Variants in CADPS2 observed in about 807,000 individuals in gnomAD.
CADPS2 encodes calcium dependent secretion activator 2.
A neutral mutation model predicts 172.5 loss-of-function variants in CADPS2; 93 were observed. The observed-to-expected ratio is 0.54, with a 90% CI of 0.46 to 0.64. The LOEUF (loss-of-function observed/expected upper bound fraction) is 0.64, where lower values mean the gene tolerates loss of function less well. Ranked by LOEUF, CADPS2 falls within the 30% of genes least tolerant of loss-of-function variation. CADPS2 has a pLI of 0.00. For missense variants in CADPS2, 1,420 were observed against 1,565.9 expected (o/e 0.91, Z 1.57); for synonymous variants, 546 against 555.2 (o/e 0.98, Z 0.23).
At position 122,515,825 on chromosome 7, in the gene CADPS2, AT is replaced by A. The variant is rs567965334; in HGVS notation, c.1476-2511del. ...TAAAACTTAAAAGTATAATAAAAAA[AT>A]TAATTAAAAAATAATAATAATTATA... On this transcript the variant is annotated intron_variant, in intron 8 of 29. Transcript: ENST00000449022. Among the ~76,000 whole-genome samples the A allele has an allele frequency of 9.8e-4, 137 of 139,230 alleles. 2 individuals are homozygous for A. Among genetic ancestry groups the A allele is most frequent in the African/African-American group, 3.6e-3 (129 of 35,646 alleles). 91.3% of individuals were successfully genotyped at this position (139,230 alleles called of 152,430 possible). A position where few individuals can be genotyped will look rare whatever the true frequency, so the allele number is the denominator to read the frequency against.
At chr7:122,609,050 G>C (rs973062834) in intron 6 of CADPS2, among the ~76,000 whole-genome samples, 1 of 151,966 alleles carries the variant, frequency 6.6e-6, no homozygotes, top group African/African-American at 2.4e-5. Context: ...TTAAAAAAGA[G>C]GTTCGATATC....
chr7:122,695,773 C>T (rs894788080), intron 2 of CADPS2, among the ~76,000 whole-genome samples: 3 of 152,136 alleles, frequency 2.0e-5, no homozygotes, highest in African/African-American at 7.2e-5. Context: ...GAAGTATGCA[C>T]ATGCCAATTT....
intron 2 of CADPS2, among the ~76,000 whole-genome samples, chr7:122,678,881 A>T (rs2082665228): frequency 6.6e-6 from 1 of 152,122 alleles, no homozygotes; most frequent in Non-Finnish European, 1.5e-5. Context: ...GCAGAACATA[A>T]ATTGTGAAGA....
chr7:122,823,968 C>G (rs1294418629), intron 1 of CADPS2, among the ~76,000 whole-genome samples: 1 of 152,132 alleles, frequency 6.6e-6, no homozygotes, highest in Non-Finnish European at 1.5e-5. Context: ...TTTCCACACT[C>G]CAATCTTCCA....
intron 8 of CADPS2, among the ~76,000 whole-genome samples, chr7:122,554,130 C>A (rs1405323620): frequency 6.6e-6 from 1 of 152,042 alleles, no homozygotes; most frequent in African/African-American, 2.4e-5. Context: ...ATGTATATAG[C>A]CTCGTTGGGT....
intron 9 of CADPS2, among the ~76,000 whole-genome samples, chr7:122,503,944 C>T (rs1426139436): frequency 2.0e-5 from 3 of 152,260 alleles, no homozygotes; most frequent in East Asian, 3.9e-4. Context: ...ACATTAAAAG[C>T]ATTCTATTTT....
intron 22 of CADPS2, among the ~76,000 whole-genome samples, chr7:122,390,380 G>C (rs1381982428): frequency 6.6e-6 from 1 of 152,044 alleles, no homozygotes; most frequent in East Asian, 1.9e-4. Context: ...GTACAGCTTG[G>C]TAGATTAGAG....
At chr7:122,782,438 T>C (rs961080010) in intron 1 of CADPS2, among the ~76,000 whole-genome samples, 1 of 152,152 alleles carries the variant, frequency 6.6e-6, no homozygotes. Context: ...TGAAACCCCA[T>C]CTCTACAACA....
rs1202160827 is a variant in CADPS2, at chr7:122,886,041, G to A, written c.297C>T (p.Phe99=). The A allele has an allele frequency of 2.5e-6, 4 of 1,608,320 alleles. No individual in the cohort carries two copies. Among genetic ancestry groups the A allele is most frequent in the African/African-American group, 1.3e-5 (1 of 74,980 alleles). The change falls in exon 1 of 30, where the codon TTC becomes TTT. Residue 99 remains phenylalanine (F), a synonymous_variant. Coordinates refer to ENST00000449022, the MANE Select transcript of CADPS2 (RefSeq NM_017954.11). ...CCATGTCGGTGGGCTGCTTGGCGTT[G>A]AAGGGGTACGCGATGCACCTCACGA... The part of the protein sequence containing the change: ...VFVVRCIAYP[F]NAKQPTDMAR...
chr7:122,363,411 G>C (rs1344425328), intron 25 of CADPS2, among the ~76,000 whole-genome samples: 1 of 152,010 alleles, frequency 6.6e-6, no homozygotes, highest in East Asian at 1.9e-4. Context: ...TGTTGCTGAG[G>C]GACAAAGCAA....
intron 14 of CADPS2, among the ~76,000 whole-genome samples, chr7:122,470,324 A>T (rs1400966030): frequency 6.6e-6 from 1 of 152,094 alleles, no homozygotes; most frequent in Non-Finnish European, 1.5e-5. Flanking sequence ...GAATATTAAT[A>T]TTCACAAATT....
intron 12 of CADPS2, among the ~76,000 whole-genome samples, 153 bp downstream of exon 12, chr7:122,480,699 T>C (rs906830918): frequency 6.6e-6 from 1 of 152,212 alleles, no homozygotes; most frequent in African/African-American, 2.4e-5. Flanking sequence ...TAGACATTTT[T>C]TGTTTTGTAA....
intron 8 of CADPS2, among the ~76,000 whole-genome samples, chr7:122,525,131 C>T (rs1041738275): frequency 1.1e-4 from 13 of 115,216 alleles, no homozygotes; most frequent in African/African-American, 4.5e-4. Flanking sequence ...CACAGTGAGA[C>T]CCTGTCTCAA....
At chr7:122,677,531 G>A (rs1205962660) in intron 2 of CADPS2, among the ~76,000 whole-genome samples, 2 of 152,166 alleles carry the variant, frequency 1.3e-5, no homozygotes, top group African/African-American at 4.8e-5. Context: ...AAGGCAGAGA[G>A]TCACATGATA....
At chr7:122,363,945 T>G (rs1368818048) in intron 25 of CADPS2, among the ~76,000 whole-genome samples, 1 of 152,130 alleles carries the variant, frequency 6.6e-6, no homozygotes, top group East Asian at 1.9e-4. Context: ...AGCTGAGGCT[T>G]TAAGTCAGAA....
At chr7:122,598,561 G>T (rs2072257257) in intron 6 of CADPS2, among the ~76,000 whole-genome samples, 1 of 152,010 alleles carries the variant, frequency 6.6e-6, no homozygotes, top group African/African-American at 2.4e-5. Flanking sequence ...GTAGTGGGTG[G>T]AAATTAGGGT....
intron 9 of CADPS2, among the ~76,000 whole-genome samples, chr7:122,512,017 T>C (rs2060037402): frequency 6.6e-6 from 1 of 152,096 alleles, no homozygotes; most frequent in African/African-American, 2.4e-5. Context: ...AATCTGTGTG[T>C]GCACGTGTAT....
intron 8 of CADPS2, among the ~76,000 whole-genome samples, chr7:122,543,664 A>G (rs867744538): frequency 2.0e-5 from 3 of 152,140 alleles, no homozygotes; most frequent in African/African-American, 4.8e-5. Flanking sequence ...CTGGGAACAC[A>G]ATTTGGGATT....
intron 20 of CADPS2, among the ~76,000 whole-genome samples, chr7:122,396,629 TAC>T (rs749620988): frequency 6.6e-6 from 1 of 152,208 alleles, no homozygotes; most frequent in Non-Finnish European, 1.5e-5. Flanking sequence ...TTTCCTGTGA[TAC>T]AGTCATAATG....
Sources: gnomAD v4.1 joint callset for allele counts (sites outside exome capture counted in the v4.1 genomes callset) on GRCh38, gnomAD v4.1.1 for gene constraint, MANE v1.5 for transcripts, NCBI Gene and HGNC (gene_info 2026-07-23, HGNC 2026-07-21) for gene names.